NKAIN2: variants seen among roughly 807,000 people sequenced by gnomAD.
NKAIN2 encodes sodium/potassium-transporting ATPase subunit beta-1-interacting protein 2.
A neutral mutation model predicts 32.6 loss-of-function variants in NKAIN2; 14 were observed. That is an observed-to-expected ratio of 0.43 (90% CI 0.28 to 0.67). The LOEUF is 0.67. NKAIN2 is among the 30% of genes least tolerant of loss of function. NKAIN2 has a pLI of 0.17. For synonymous variants in NKAIN2, 80 were observed against 87.2 expected (o/e 0.92, Z 0.46); for missense variants, 198 against 258.3 (o/e 0.77, Z 1.60).
intron 1 of NKAIN2, among the ~76,000 whole-genome samples, chr6:124,242,754 A>C (rs1793171648): frequency 6.6e-6 from 1 of 152,234 alleles, no homozygotes; most frequent in South Asian, 2.1e-4. Context: ...GACATGGATT[A>C]AACTGGAAAC....
intron 1 of NKAIN2, among the ~76,000 whole-genome samples, chr6:123,918,664 A>G (rs1238544731): frequency 6.6e-6 from 1 of 152,144 alleles, no homozygotes; most frequent in Non-Finnish European, 1.5e-5. Flanking sequence ...AAATCAGATT[A>G]CCCTTCATTC....
chr6:124,254,349 A>G (rs555211860), intron 1 of NKAIN2, among the ~76,000 whole-genome samples: 1 of 152,318 alleles, frequency 6.6e-6, no homozygotes, highest in Admixed American at 6.5e-5. Flanking sequence ...GGACATCCCT[A>G]TGAGAGCAAC....
At chr6:124,431,755 GTGTT>G (rs1380143687) in intron 3 of NKAIN2, among the ~76,000 whole-genome samples, 2 of 152,020 alleles carry the variant, frequency 1.3e-5, no homozygotes, top group African/African-American at 4.8e-5. Flanking sequence ...CATTTTCTAA[GTGTT>G]TGTAACACAC....
intron 1 of NKAIN2, among the ~76,000 whole-genome samples, chr6:123,929,253 T>C (rs1170275929): frequency 6.6e-6 from 1 of 152,168 alleles, no homozygotes; most frequent in Admixed American, 6.5e-5. Flanking sequence ...ATTGATATGC[T>C]CAGTGAAAAA....
intron 1 of NKAIN2, among the ~76,000 whole-genome samples, chr6:124,234,640 A>G (rs145904494): frequency 1.9e-3 from 293 of 152,282 alleles, no homozygotes; most frequent in Non-Finnish European, 3.5e-3. Context: ...ATCCATTAAC[A>G]TACTTTATGT....
At chr6:124,661,789 A>G (rs1784754682) in intron 4 of NKAIN2, among the ~76,000 whole-genome samples, 1 of 152,222 alleles carries the variant, frequency 6.6e-6, no homozygotes, top group Admixed American at 6.5e-5. Flanking sequence ...AAATTAAAAA[A>G]ATCCACATTT....
intron 1 of NKAIN2, among the ~76,000 whole-genome samples, chr6:123,985,322 C>A (rs572374011): frequency 6.6e-6 from 1 of 152,224 alleles, no homozygotes; most frequent in East Asian, 1.9e-4. Flanking sequence ...ATTGCTTAAA[C>A]CTGGGAGGCA....
chr6:124,551,361 G>A (rs981716100), intron 3 of NKAIN2, among the ~76,000 whole-genome samples: 1 of 152,156 alleles, frequency 6.6e-6, no homozygotes, highest in Admixed American at 6.5e-5. Flanking sequence ...GCATTATTTT[G>A]TGTTCCTTTA....
chr6:124,581,517 A>G (rs1485693062), intron 3 of NKAIN2, among the ~76,000 whole-genome samples: 1 of 151,910 alleles, frequency 6.6e-6, no homozygotes, highest in African/African-American at 2.4e-5. Context: ...AAACTAGTAG[A>G]TATTTACAGA....
At chr6:123,948,146 C>G (rs1777155201) in intron 1 of NKAIN2, among the ~76,000 whole-genome samples, 1 of 152,190 alleles carries the variant, frequency 6.6e-6, no homozygotes, top group South Asian at 2.1e-4. Context: ...ATATGTAGCA[C>G]ATTTTCTTTA....
chr6:123,874,694 G>T (rs1297137170), intron 1 of NKAIN2, among the ~76,000 whole-genome samples: 2 of 151,892 alleles, frequency 1.3e-5, no homozygotes, highest in African/African-American at 4.8e-5. Context: ...GTGAAAAAGG[G>T]TTCATAAAAA....
At chr6:124,420,147 G>T (rs1430501098) in intron 3 of NKAIN2, among the ~76,000 whole-genome samples, 1 of 152,096 alleles carries the variant, frequency 6.6e-6, no homozygotes, top group Non-Finnish European at 1.5e-5. Flanking sequence ...TTACTTAAAA[G>T]ACAGGCTTTT....
chr6:124,819,783 G>T (rs1455382561), intron 6 of NKAIN2, among the ~76,000 whole-genome samples: 1 of 152,110 alleles, frequency 6.6e-6, no homozygotes, highest in Non-Finnish European at 1.5e-5. Context: ...ACCATATGCA[G>T]ATGACACTGG....
At chr6:124,481,004 A>G in intron 3 of NKAIN2, among the ~76,000 whole-genome samples, 1 of 152,118 alleles carries the variant, frequency 6.6e-6, no homozygotes, top group East Asian at 1.9e-4. Context: ...ACAAGAGGGC[A>G]TCTCCATTCT....
At chr6:124,128,954 C>T (rs990373156) in intron 1 of NKAIN2, among the ~76,000 whole-genome samples, 1 of 152,056 alleles carries the variant, frequency 6.6e-6, no homozygotes, top group Non-Finnish European at 1.5e-5. Flanking sequence ...TGGAATACAG[C>T]GTGGTTGTTT....
intron 3 of NKAIN2, among the ~76,000 whole-genome samples, chr6:124,366,991 A>G (rs1799546015): frequency 6.6e-6 from 1 of 152,038 alleles, no homozygotes; most frequent in African/African-American, 2.4e-5. Flanking sequence ...AAATTTATAA[A>G]TAATTATGAT....
intron 1 of NKAIN2, among the ~76,000 whole-genome samples, chr6:124,082,846 G>A (rs548276705): frequency 3.3e-5 from 5 of 151,938 alleles, no homozygotes; most frequent in East Asian, 3.9e-4. Flanking sequence ...AAAATCAAAC[G>A]CACCAAATAT....
chr6:123,897,857 A>G (rs1419534594), intron 1 of NKAIN2, among the ~76,000 whole-genome samples: 1 of 152,156 alleles, frequency 6.6e-6, no homozygotes, highest in Non-Finnish European at 1.5e-5. Flanking sequence ...GGTTTCTGTG[A>G]CATATCTACC....
chr6:124,210,504 A>T (rs1048205648), intron 1 of NKAIN2, among the ~76,000 whole-genome samples: 2 of 151,810 alleles, frequency 1.3e-5, no homozygotes, highest in Non-Finnish European at 1.5e-5. Context: ...ACTGAATTGT[A>T]GATTGCTTTG....
Sources: allele counts gnomAD v4.1 joint callset (sites outside exome capture counted in the v4.1 genomes callset), GRCh38; gene constraint gnomAD v4.1.1; transcripts MANE v1.5; gene names NCBI Gene and HGNC (gene_info 2026-07-23, HGNC 2026-07-21).